The following C16orf96 variants were observed in gnomAD, a reference collection of about 807,000 sequenced individuals.
C16orf96 encodes chromosome 16 open reading frame 96.
In C16orf96, 108 loss-of-function variants were observed where a neutral mutation model predicts 103.6. The ratio of observed to expected loss-of-function variants is 1.04; its 90% CI spans 0.89 to 1.22. The LOEUF (loss-of-function observed/expected upper bound fraction) is 1.22. Ranked by LOEUF, C16orf96 falls within the 50% of genes most tolerant of loss-of-function variation. The probability of loss-of-function intolerance (pLI) is 0.00; values close to 1 mark genes in which losing one functional copy is unlikely to be tolerated. For missense variants in C16orf96, 1,586 were observed against 1,464.2 expected (o/e 1.08, Z -1.36); for synonymous variants, 566 against 593.5 (o/e 0.95, Z 0.67).
intron 7 of C16orf96, among the ~76,000 whole-genome samples, chr16:4,580,353 G>A (rs1245647841): frequency 2.4e-5 from 3 of 124,528 alleles, no homozygotes; most frequent in South Asian, 2.7e-4. Flanking sequence ...GACAATGTTC[G>A]TCTTTTTGAC....
At chr16:4,592,694 C>A (rs1166364825) in intron 11 of C16orf96, among the ~76,000 whole-genome samples, 1 of 152,198 alleles carries the variant, frequency 6.6e-6, no homozygotes, top group African/African-American at 2.4e-5. Flanking sequence ...TGTTCTACAG[C>A]CATCAAAAAT....
intron 2 of C16orf96, among the ~76,000 whole-genome samples, chr16:4,572,137 C>A (rs2059445849): frequency 6.7e-6 from 1 of 148,868 alleles, no homozygotes. Flanking sequence ...TGTAAGCCAC[C>A]ATACCTGGCC....
At chr16:4,549,497 A>T in the C16orf96 span, among the ~76,000 whole-genome samples, 5 of 150,268 alleles carry the variant, frequency 3.3e-5, no homozygotes, top group African/African-American at 1.2e-4. Context: ...AAAACAACCA[A>T]CCAGAATACC....
the C16orf96 span, among the ~76,000 whole-genome samples, chr16:4,547,031 C>T: frequency 9.9e-5 from 15 of 152,170 alleles, no homozygotes; most frequent in Middle Eastern, 6.8e-3. Flanking sequence ...CTCAAGCTAT[C>T]CTCCTGCCGC....
the C16orf96 span, among the ~76,000 whole-genome samples, chr16:4,543,174 C>A: frequency 6.6e-6 from 1 of 152,084 alleles, no homozygotes; most frequent in Non-Finnish European, 1.5e-5. Flanking sequence ...GAGAGGAGGA[C>A]GTTTAAGTTG....
chr16:4,570,938 G>A (rs559110639), intron 1 of C16orf96, among the ~76,000 whole-genome samples: 33 of 152,256 alleles, frequency 2.2e-4, no homozygotes, highest in Admixed American at 3.9e-4. Flanking sequence ...GGAGGATGAC[G>A]CGGGCAGATT....
the C16orf96 span, among the ~76,000 whole-genome samples, chr16:4,550,495 C>T: frequency 6.6e-6 from 1 of 152,252 alleles, no homozygotes; most frequent in Non-Finnish European, 1.5e-5. Context: ...TCTCCAGCAT[C>T]AAGCTAATGC....
At chr16:4,579,614 ATT>A (rs143473771) in intron 6 of C16orf96, among the ~76,000 whole-genome samples, 147 of 117,590 alleles carry the variant, frequency 1.3e-3, no homozygotes, top group Admixed American at 2.3e-3. Context: ...CTGATACCTT[ATT>A]TTTTTTTTTT....
chr16:4,564,165 T>C (rs2059362946), intron 1 of C16orf96, among the ~76,000 whole-genome samples: 2 of 151,986 alleles, frequency 1.3e-5, no homozygotes, highest in South Asian at 4.1e-4. Context: ...TGAAACTCCA[T>C]CTTAAAAAAA....
chr16:4,575,231 G>A lies in C16orf96; in HGVS notation c.751G>A (p.Ala251Thr). The change falls in exon 5 of 16, where the codon GCC becomes ACC. Residue 251 changes from alanine to threonine, a missense_variant. Ala to Thr is a moderately conservative substitution (Grantham distance 58, BLOSUM62 0). Transcript: ENST00000444310. ...WQSVEQLPEA[A>T]LAQTTKYLEA... is the part of the protein sequence containing the mutation. Reference sequence around the variant, plus strand: ...GTCTGTAGAGCAGCTCCCAGAGGCTGCCCTGGCCCAGACCACCAAGTACCT... The same window carrying A: ...GTCTGTAGAGCAGCTCCCAGAGGCTACCCTGGCCCAGACCACCAAGTACCT... 6.5e-7 allele frequency: 1 copy of A among 1,548,266 alleles called. No individual in the cohort carries two copies. The highest frequency in any genetic ancestry group is 8.7e-7 in the Non-Finnish European group (1 of 1,146,964).
chr16:4,593,256 T>C lies in C16orf96; in HGVS notation c.2807T>C (p.Leu936Pro). The change falls in exon 12 of 16, where the codon CTG (leucine) becomes CCG (proline). Residue 936 changes from leucine (L) to proline (P), a missense_variant. By Grantham distance (98) the Leu-to-Pro change is moderately conservative. Transcript: ENST00000444310. The surrounding 1 kb of genome is among the most constrained non-coding windows in gnomAD (Gnocchi z 4.2). ...QLITIRKAHL[L>P]SRLRPASANS... ...ATCACCATCCGCAAAGCCCACCTGC[T>C]GTCCCGGCTGCGGCCAGCCAGCGCC... 6.4e-7 allele frequency: 1 copy of C among 1,551,092 alleles called. No individual in the cohort carries two copies. Among genetic ancestry groups the C allele is most frequent in the Non-Finnish European group, 8.7e-7 (1 of 1,146,892 alleles).
Position 4,594,474 on chromosome 16 carries a change from T to C in C16orf96, c.2991T>C (p.Tyr997=). 6.4e-7 allele frequency: 1 copy of C among 1,551,462 alleles called. No homozygotes were observed. ...AGTCCTGCAACCTGTTGACGCTCTA[T>C]CCCTACGGGGATCCCCACGTGATCG... ...KCKSCNLLTL[Y]PYGDPHVIDY... is the part of the protein sequence containing the mutation. The change falls in exon 13 of 16, where the codon TAT becomes TAC. Residue 997 remains tyrosine (Y), a synonymous_variant. Coordinates refer to ENST00000444310, the MANE Select transcript of C16orf96 (RefSeq NM_001145011.2).
intron 1 of C16orf96, among the ~76,000 whole-genome samples, chr16:4,563,490 A>G (rs1203717921): frequency 6.6e-6 from 1 of 151,972 alleles, no homozygotes; most frequent in Admixed American, 6.6e-5. Context: ...CTTGAGCTCA[A>G]GTAATCCTCC....
chr16:4,585,716 T>G (rs1596533452), intron 7 of C16orf96, among the ~76,000 whole-genome samples: 1 of 152,206 alleles, frequency 6.6e-6, no homozygotes, highest in Non-Finnish European at 1.5e-5. Flanking sequence ...TCATAGGCTG[T>G]GTTCCACCTG....
At chr16:4,586,542 G>A (rs937483542) in intron 7 of C16orf96, among the ~76,000 whole-genome samples, 3 of 152,222 alleles carry the variant, frequency 2.0e-5, no homozygotes, top group African/African-American at 7.2e-5. Flanking sequence ...CAATGGGGAT[G>A]TAGTAATTGG....
chr16:4,578,260 A>C (rs2059538229), intron 5 of C16orf96, among the ~76,000 whole-genome samples: 1 of 152,048 alleles, frequency 6.6e-6, no homozygotes, highest in African/African-American at 2.4e-5. Context: ...CTCCTGCCTC[A>C]GCCTTCCAAG....
chr16:4,548,540 C>T, the C16orf96 span, among the ~76,000 whole-genome samples: 2 of 152,202 alleles, frequency 1.3e-5, no homozygotes, highest in Non-Finnish European at 2.9e-5. Context: ...AGAGCCAGCC[C>T]ATGGGGCTCC....
intron 1 of C16orf96, among the ~76,000 whole-genome samples, chr16:4,570,770 A>G (rs148737923): frequency 7.2e-5 from 11 of 152,174 alleles, no homozygotes; most frequent in African/African-American, 2.2e-4. Context: ...CAAGCTCGCA[A>G]CACACTTCTG....
chr16:4,552,276 G>A (rs946197784), upstream of C16orf96, among the ~76,000 whole-genome samples: 6 of 152,118 alleles, frequency 3.9e-5, no homozygotes, highest in Non-Finnish European at 7.3e-5. Context: ...GAGGTCAGGA[G>A]CTCGAGACCA....
Sources: allele counts gnomAD v4.1 joint callset (sites outside exome capture counted in the v4.1 genomes callset), GRCh38; gene constraint gnomAD v4.1.1; non-coding constraint Gnocchi (gnomAD v3.1); transcripts MANE v1.5; gene names NCBI Gene and HGNC (gene_info 2026-07-23, HGNC 2026-07-21).